Variants in DISP1 observed in about 807,000 individuals in gnomAD.
DISP1 encodes dispatched RND transporter family member 1.
DISP1 carries 30 observed loss-of-function variants against 37.3 expected under a neutral mutation model. The observed-to-expected ratio is 0.80, with a 90% CI of 0.60 to 1.09. The LOEUF (loss-of-function observed/expected upper bound fraction) is 1.09. Among genes scored for constraint, DISP1 ranks in the 50% least tolerant of loss-of-function variants. The pLI, the probability that DISP1 is intolerant of heterozygous loss-of-function variation, is 0.00. For synonymous variants in DISP1, 634 were observed against 690.2 expected (o/e 0.92, Z 1.28); for missense variants, 1,598 against 1,879.5 (o/e 0.85, Z 2.77).
At chr1:222,989,511 T>C in intron 4 of DISP1, 1 of 985,358 alleles carries the variant, frequency 1.0e-6, no homozygotes, top group South Asian at 4.7e-5. Flanking sequence ...CAGAAACAGA[T>C]CTTTCAATTT....
At position 223,005,643 on chromosome 1, in the gene DISP1, C is replaced by T; in HGVS notation, c.4246C>T (p.Leu1416Phe). The T allele has an allele frequency of 3.1e-6, 5 of 1,613,966 alleles. No individual in the cohort carries two copies. The highest frequency in any genetic ancestry group is 4.2e-6 in the Non-Finnish European group (5 of 1,180,010). ...CGACCCCGAGAATAAACAAAGGGAACTCTGTAAAAATAGAGACGTGAGCAA... is the reference window on the plus strand; with the variant it reads ...CGACCCCGAGAATAAACAAAGGGAATTCTGTAAAAATAGAGACGTGAGCAA... The part of the protein sequence containing the change: ...CCDPENKQRE[L>F]CKNRDVSNLE... The change falls in exon 9 of 9, where the codon CTC (leucine) becomes TTC (phenylalanine). Residue 1416 changes from leucine to phenylalanine, a missense_variant. Physicochemically the swap from Leu to Phe is conservative, Grantham distance 22. Coordinates refer to ENST00000675850, the MANE Select transcript of DISP1 (RefSeq NM_001377229.1).
chr1:222,873,024 G>A (rs997495526), intron 1 of DISP1, among the ~76,000 whole-genome samples: 33 of 151,960 alleles, frequency 2.2e-4, no homozygotes, highest in Non-Finnish European at 4.0e-4. Flanking sequence ...CCTTCATTTC[G>A]TTATGTACCC....
In DISP1 at chr1:222,926,104, C is replaced by T. The variant is rs77752647; in HGVS notation, c.-158-2326C>T. ...ATCCTCTGTCTCCACCCCTCAGCCC[C>T]CAGCAACCACTAACCTACATTTTGT... On this transcript the variant is annotated intron_variant, in intron 1 of 8. Transcript: ENST00000675850. 6.6e-5 allele frequency among the ~76,000 whole-genome samples: 10 copies of T among 152,266 alleles called. No individual in the cohort carries two copies. The East Asian group carries it at 1.7e-3, about 26-fold the overall frequency.
intron 2 of DISP1, among the ~76,000 whole-genome samples, chr1:222,939,242 GTC>G (rs1488250304): frequency 1.3e-5 from 2 of 151,920 alleles, no homozygotes; most frequent in African/African-American, 4.8e-5. Context: ...TGATGATTAG[GTC>G]CCCAGCTGGC....
In DISP1 at chr1:223,005,369, C is replaced by CT. The variant is rs1453026586; in HGVS notation, c.3975dup (p.Val1326CysfsTer28). ...AGGCCACACACCAAGCTGTCGAGGG[C>CT]TTTGTGCACCCCATCACGCACATCC... On this transcript the variant is annotated frameshift_variant, in exon 9 of 9. Coordinates refer to ENST00000675850, the MANE Select transcript of DISP1 (RefSeq NM_001377229.1). LOFTEE classifies it low-confidence loss of function (END_TRUNC). 6.2e-7 allele frequency: 1 copy of CT among 1,613,546 alleles called. No individual in the cohort carries two copies. The highest frequency in any genetic ancestry group is 1.1e-5 in the South Asian group (1 of 91,078).
intron 1 of DISP1, among the ~76,000 whole-genome samples, chr1:222,907,698 T>A (rs1572481437): frequency 1.3e-5 from 2 of 152,210 alleles, no homozygotes; most frequent in Non-Finnish European, 2.9e-5. Context: ...ATGCCTGTAA[T>A]CCCAGCACTT....
intron 2 of DISP1, among the ~76,000 whole-genome samples, chr1:222,935,984 G>C (rs1206731202): frequency 2.6e-5 from 4 of 152,200 alleles, no homozygotes; most frequent in African/African-American, 9.6e-5. Context: ...GGTCCCATAA[G>C]ATTATAATGG....
intron 3 of DISP1, among the ~76,000 whole-genome samples, chr1:222,971,147 C>A (rs1455827277): frequency 6.6e-6 from 1 of 151,872 alleles, no homozygotes. Flanking sequence ...AAGCTTTTGA[C>A]AATGATTTGA....
intron 3 of DISP1, among the ~76,000 whole-genome samples, chr1:222,967,088 A>C (rs1347655647): frequency 1.3e-5 from 2 of 152,032 alleles, no homozygotes; most frequent in Non-Finnish European, 2.9e-5. Flanking sequence ...CATCTTCAAA[A>C]TGTCACCATC....
At chr1:222,894,566 G>C (rs746276127) in intron 1 of DISP1, among the ~76,000 whole-genome samples, 1 of 152,260 alleles carries the variant, frequency 6.6e-6, no homozygotes, top group Non-Finnish European at 1.5e-5. Context: ...GGGGAGGCCA[G>C]GCAGCAGGAG....
rs1375978788 is a variant in DISP1, at chr1:223,004,149, G to T, written c.2752G>T (p.Asp918Tyr). The part of the protein sequence containing the change: ...KTPGPRFDIN[D>Y]TIRAVVLEFQ... ...CCCAGGGCCGAGGTTTGATATCAATGATACTATCAGGGCAGTGGTGTTAGA... is the reference window on the plus strand; with the variant it reads ...CCCAGGGCCGAGGTTTGATATCAATTATACTATCAGGGCAGTGGTGTTAGA... Residue 918 changes from aspartate to tyrosine, a missense_variant, in exon 9 of 9, where the codon GAT becomes TAT. Transcript: ENST00000675850. This position sits in a 1 kb window ranked among gnomAD's most constrained non-coding sequence, Gnocchi z 4.9. 1.2e-6 allele frequency: 2 copies of T among 1,614,068 alleles called. No individual in the cohort carries two copies. The highest frequency in any genetic ancestry group is 2.7e-5 in the African/African-American group (2 of 74,934).
At chr1:222,834,278 T>C (rs745574041) in intron 1 of DISP1, among the ~76,000 whole-genome samples, 4 of 152,018 alleles carry the variant, frequency 2.6e-5, no homozygotes, top group East Asian at 1.9e-4. Context: ...TGTCCTGTAG[T>C]TGGATAGATA....
At chr1:222,906,491 G>A (rs1404957082) in intron 1 of DISP1, among the ~76,000 whole-genome samples, 3 of 152,194 alleles carry the variant, frequency 2.0e-5, no homozygotes, top group African/African-American at 7.2e-5. Context: ...TAAGACAGGA[G>A]GTCCGCACAA....
chr1:222,864,264 G>A (rs1669052187), intron 1 of DISP1, among the ~76,000 whole-genome samples: 1 of 152,056 alleles, frequency 6.6e-6, no homozygotes, highest in Non-Finnish European at 1.5e-5. Flanking sequence ...TCAAGCCTTG[G>A]CATTAAGTAA....
rs1674506021 is a variant in DISP1, at chr1:222,943,117, A to G, written c.294A>G (p.Gln98=). 2.5e-6 allele frequency: 4 copies of G among 1,614,006 alleles called. No homozygotes were observed. The highest frequency in any genetic ancestry group is 2.7e-5 in the African/African-American group (2 of 75,042). Residue 98 remains glutamine, a synonymous_variant, in exon 3 of 9, where the codon CAA becomes CAG. Transcript: ENST00000675850. ...CTTTGACTAGCCATAGCAGTCACCA[A>G]GAGTGCCATCCCGAGGCTGGCCCTG... The part of the protein sequence containing the change: ...HHPLTSHSSH[Q]ECHPEAGPAA...
intron 3 of DISP1, among the ~76,000 whole-genome samples, chr1:222,943,766 T>C (rs1269464235): frequency 1.3e-5 from 2 of 152,166 alleles, no homozygotes; most frequent in Admixed American, 6.5e-5. Flanking sequence ...CGGTGGCTCA[T>C]GCCTGTAATC....
chr1:222,982,522 A>G (rs1677908527), intron 3 of DISP1, among the ~76,000 whole-genome samples: 2 of 152,246 alleles, frequency 1.3e-5, no homozygotes, highest in Non-Finnish European at 2.9e-5. Context: ...TGGGAATAAT[A>G]AAACAGTATG....
chr1:222,896,865 C>G (rs913865535), intron 1 of DISP1, among the ~76,000 whole-genome samples: 1 of 152,016 alleles, frequency 6.6e-6, no homozygotes, highest in Non-Finnish European at 1.5e-5. Context: ...TTTATAACTG[C>G]CAGAATGGCT....
At position 222,888,369 on chromosome 1, in the gene DISP1, C is replaced by T. The variant is rs1277106662; in HGVS notation, c.-158-40061C>T. Among the ~76,000 whole-genome samples the T allele has an allele frequency of 2.0e-5, 3 of 152,176 alleles. No homozygotes were observed. In the East Asian group the frequency reaches 5.8e-4, roughly 29 times the overall value. The stretch of plus-strand genomic sequence containing the variant: ...CTCTACACACATTATATACATTGAA[C>T]AAACCATCTTTTAAAAAGTTAAAAA... On this transcript the variant is annotated intron_variant, in intron 1 of 8. Coordinates refer to ENST00000675850, the MANE Select transcript of DISP1 (RefSeq NM_001377229.1).
Sources: allele counts gnomAD v4.1 joint callset (sites outside exome capture counted in the v4.1 genomes callset), GRCh38; gene constraint gnomAD v4.1.1; non-coding constraint Gnocchi (gnomAD v3.1); transcripts MANE v1.5; gene names NCBI Gene and HGNC (gene_info 2026-07-23, HGNC 2026-07-21).